LMBR1L: variants seen among roughly 807,000 people sequenced by gnomAD.
LMBR1L encodes protein LMBR1L.
LMBR1L carries 47 observed loss-of-function variants against 67.3 expected under a neutral mutation model. The ratio of observed to expected loss-of-function variants is 0.70; its 90% CI spans 0.55 to 0.89. The LOEUF is 0.89. LMBR1L is among the 40% of genes least tolerant of loss of function. The probability of loss-of-function intolerance (pLI) is 0.00; values close to 1 mark genes in which losing one functional copy is unlikely to be tolerated. For synonymous variants in LMBR1L, 247 were observed against 250.3 expected, an observed-to-expected ratio of 0.99 and a Z score of 0.13; for missense variants, 533 against 599.2, an observed-to-expected ratio of 0.89 and a Z score of 1.15.
chr12:49,103,750 C>G lies in LMBR1L; in HGVS notation c.499G>C (p.Gly167Arg), dbSNP rs1300400147. ...MLMLLTLLVL[G>R]MVWVASAIVD... ...ATGGCTGATGCCACCCACACCATAC[C>G]TAGCACCAGCAGAGTGAGGAGCATC... is the stretch of plus-strand genomic sequence containing the variant. The change falls in exon 6 of 17, where the codon GGT becomes CGT. Residue 167 changes from glycine to arginine, a missense_variant. Gly to Arg is a moderately radical substitution (Grantham distance 125, BLOSUM62 -2). Transcript: ENST00000267102. 2 of 1,614,026 alleles carry G rather than the reference C, an allele frequency of 1.2e-6. No homozygotes were observed. The highest frequency in any genetic ancestry group is 1.7e-6 in the Non-Finnish European group (2 of 1,180,024).
In LMBR1L at chr12:49,104,781, T is replaced by G; in HGVS notation, c.296A>C (p.Tyr99Ser). 6.2e-7 allele frequency: 1 copy of G among 1,613,628 alleles called. No individual in the cohort carries two copies. Among genetic ancestry groups the G allele is most frequent in the Middle Eastern group, 1.7e-4 (1 of 6,046 alleles). Reference protein sequence around the residue: ...NEVLLSLPRNYYIQWLNGSLI... With the variant: ...NEVLLSLPRNSYIQWLNGSLI... ...GGAGCCGTTGAGCCACTGGATGTAGTAGTTCCGAGGCAGGGAGAGCAGCAC... is the reference window on the plus strand; with the variant it reads ...GGAGCCGTTGAGCCACTGGATGTAGGAGTTCCGAGGCAGGGAGAGCAGCAC... Residue 99 changes from tyrosine (Y) to serine (S), a missense_variant, in exon 4 of 17, where the codon TAC (tyrosine) becomes TCC (serine). Tyr to Ser is a moderately radical substitution (Grantham distance 144). Transcript: ENST00000267102.
intron 4 of LMBR1L, 57 bp from the exon 5 acceptor site, chr12:49,104,608 A>ACT: frequency 5.8e-6 from 9 of 1,562,680 alleles, no homozygotes; most frequent in Non-Finnish European, 7.9e-6. Context: ...AACCCACAGG[A>ACT]GACTGACCAT....
chr12:49,104,889 G>C lies in LMBR1L; in HGVS notation c.192-4C>G, dbSNP rs202149762. On this transcript the variant is annotated splice_polypyrimidine_tract_variant and splice_region_variant and intron_variant, in intron 3 of 16. Transcript: ENST00000267102. ...GGTAAAGGTGCACAGCTCGAGCCTGGGCAGAGAAGGGGACAGTGTCCTTGC... is the reference window on the plus strand; with the variant it reads ...GGTAAAGGTGCACAGCTCGAGCCTGCGCAGAGAAGGGGACAGTGTCCTTGC... 337 of 1,608,452 alleles carry C rather than the reference G, an allele frequency of 2.1e-4. No homozygotes were observed. The highest frequency in any genetic ancestry group is 2.6e-4 in the Non-Finnish European group (312 of 1,177,880).
At chr12:49,102,237 A>G in intron 10 of LMBR1L, 41 bp from the exon 11 acceptor site, 1 of 1,613,620 alleles carries the variant, frequency 6.2e-7, no homozygotes, top group Non-Finnish European at 8.5e-7. Flanking sequence ...ACCTGGAACC[A>G]GGGGCTACTC....
chr12:49,105,129 C>A, intron 3 of LMBR1L: 2 of 509,250 alleles, frequency 3.9e-6, no homozygotes, highest in Non-Finnish European at 3.5e-6. Context: ...ACCTGGTCAC[C>A]TGCCATGTCA....
chr12:49,098,181 C>T (rs1413889978), intron 15 of LMBR1L, 76 bp from the exon 16 acceptor site: 1 of 1,483,574 alleles, frequency 6.7e-7, no homozygotes, highest in Non-Finnish European at 9.2e-7. Context: ...TCTGCTGCCT[C>T]CTGGTGGCCA....
At chr12:49,101,377 G>A (rs1440488447) in intron 12 of LMBR1L, 54 bp from the exon 13 acceptor site, 1 of 1,603,590 alleles carries the variant, frequency 6.2e-7, no homozygotes, top group Non-Finnish European at 8.5e-7. Context: ...GCACTACCCG[G>A]CACCCAGCCT....
chr12:49,104,672 T>C, intron 4 of LMBR1L, 74 bp downstream of exon 4: 1 of 1,599,254 alleles, frequency 6.3e-7, no homozygotes, highest in Non-Finnish European at 8.6e-7. Context: ...GGCGCACGGC[T>C]GCCTGAGTCC....
chr12:49,107,990 C>T (rs1457533996), intron 1 of LMBR1L, among the ~76,000 whole-genome samples: 1 of 152,006 alleles, frequency 6.6e-6, no homozygotes, highest in African/African-American at 2.4e-5. Flanking sequence ...TTGGGCTGGG[C>T]GTTGAGGCTC....
Position 49,104,843 on chromosome 12 carries a change from A to G in LMBR1L, c.234T>C (p.Ala78=). 1 of 1,613,704 alleles carries G rather than the reference A, an allele frequency of 6.2e-7. No individual in the cohort carries two copies. ...TGATGGAGAAGGGCAGGAGCAGGAC[A>G]GCACCCAGGGCAATTGCCAGGGTAA... ...CTFTLAIALG[A]VLLLPFSIIS... Residue 78 remains alanine (A), a synonymous_variant, in exon 4 of 17, where the codon GCT becomes GCC. Coordinates refer to ENST00000267102, the MANE Select transcript of LMBR1L (RefSeq NM_018113.4).
chr12:49,106,189 T>C, intron 2 of LMBR1L: 1 of 558,104 alleles, frequency 1.8e-6, no homozygotes, highest in Non-Finnish European at 3.2e-6. Context: ...CAGACATTCC[T>C]ATACTTCTTT....
At chr12:49,108,554 TGA>T (rs1326053446) in intron 1 of LMBR1L, among the ~76,000 whole-genome samples, 2 of 105,682 alleles carry the variant, frequency 1.9e-5, no homozygotes, top group Admixed American at 2.6e-4. Context: ...AGAGCAAGAC[TGA>T]GTCTCAAAAA....
chr12:49,100,355 C>A (rs750085094), intron 15 of LMBR1L, 33 bp downstream of exon 15: 81 of 1,574,404 alleles, frequency 5.1e-5, no homozygotes, highest in Non-Finnish European at 7.1e-5. Flanking sequence ...TCAAAAAAAT[C>A]CAATTCCTTT....
chr12:49,097,717 G>C lies in LMBR1L; in HGVS notation c.1425C>G (p.Pro475=). 1.2e-6 allele frequency: 2 copies of C among 1,613,954 alleles called. No homozygotes were observed. Among genetic ancestry groups the C allele is most frequent in the Non-Finnish European group, 1.7e-6 (2 of 1,180,004 alleles). Residue 475 remains proline, a synonymous_variant, in exon 17 of 17, where the codon CCC becomes CCG. Coordinates refer to ENST00000267102, the MANE Select transcript of LMBR1L (RefSeq NM_018113.4). ...TAGATGCCTGGGGGAAACCGGAGAC[G>C]GGCAGCGGCAGTCTGTCCAGCCCTG... The part of the protein sequence containing the change: ...RAFGLDRLPL[P]VSGFPQASRK...
intron 12 of LMBR1L, 60 bp from the exon 13 acceptor site, chr12:49,101,383 A>T: frequency 1.2e-6 from 2 of 1,605,664 alleles, no homozygotes; most frequent in Non-Finnish European, 1.7e-6. Context: ...CCCGGCACCC[A>T]GCCTTCCCAC....
Position 49,104,583 on chromosome 12 carries a change from A to G in LMBR1L, c.332-32T>C, listed in dbSNP as rs773210795. Reference sequence around the variant, plus strand: ...CAAAAAAGGAAGAGCAGAAGTGGTCAGTAAGGGGAGGGGCAACCCACAGGA... The same window carrying G: ...CAAAAAAGGAAGAGCAGAAGTGGTCGGTAAGGGGAGGGGCAACCCACAGGA... On this transcript the variant is annotated intron_variant, in intron 4 of 16. Transcript: ENST00000267102. 9 of 1,591,408 alleles carry G rather than the reference A, an allele frequency of 5.7e-6. No individual in the cohort carries two copies. In the East Asian group the frequency reaches 1.1e-4, roughly 20 times the overall value.
intron 13 of LMBR1L, 187 bp downstream of exon 13, chr12:49,101,062 AC>A: frequency 7.7e-7 from 1 of 1,291,960 alleles, no homozygotes; most frequent in Non-Finnish European, 1.0e-6. Context: ...ATTCTACTGA[AC>A]CACCAGCCCT....
In LMBR1L at chr12:49,097,678, G is replaced by C; in HGVS notation, c.1464C>G (p.His488Gln). 2 of 1,613,508 alleles carry C rather than the reference G, an allele frequency of 1.2e-6. No individual in the cohort carries two copies. The highest frequency in any genetic ancestry group is 1.7e-6 in the Non-Finnish European group (2 of 1,179,988). Residue 488 changes from histidine (H) to glutamine (Q), a missense_variant, in exon 17 of 17, where the codon CAC becomes CAG. Transcript: ENST00000267102. ...TCCCACCCCCAGCTGGAGGTCACTG[G>C]TGCTGGGTCTTCCTAGATGCCTGGG... ...GFPQASRKTQ[H>Q]Q
chr12:49,103,726 T>C lies in LMBR1L; in HGVS notation c.523A>G (p.Ile175Val). 6.2e-7 allele frequency: 1 copy of C among 1,614,108 alleles called. No individual in the cohort carries two copies. The highest frequency in any genetic ancestry group is 8.5e-7 in the Non-Finnish European group (1 of 1,180,012). ...VLGMVWVASA[I>V]VDKNKANRES... ...CTGTTGGCCTTGTTCTTGTCCACAA[T>C]GGCTGATGCCACCCACACCATACCT... The change falls in exon 6 of 17, where the codon ATT (isoleucine) becomes GTT (valine). Residue 175 changes from isoleucine (I) to valine (V), a missense_variant. By Grantham distance (29) the Ile-to-Val change is conservative (BLOSUM62 3). This residue lies in a region of LMBR1L where 246 missense variants were observed against 249.0 expected (regional missense o/e 0.99). Coordinates refer to ENST00000267102, the MANE Select transcript of LMBR1L (RefSeq NM_018113.4).
Sources: gnomAD v4.1 joint callset for allele counts (sites outside exome capture counted in the v4.1 genomes callset) on GRCh38, gnomAD v4.1.1 for gene constraint, gnomAD v4.1.1 regional missense constraint, MANE v1.5 for transcripts, NCBI Gene and HGNC (gene_info 2026-07-23, HGNC 2026-07-21) for gene names.